NRG3: variants seen among roughly 807,000 people sequenced by gnomAD.
The protein encoded by NRG3 is neuregulin 3.
In NRG3, 31 loss-of-function variants were observed where a neutral mutation model predicts 66.9. That is an observed-to-expected ratio of 0.46 (90% CI 0.35 to 0.63). The LOEUF is 0.63. NRG3 is among the 20% of genes least tolerant of loss of function. The pLI, the probability that NRG3 is intolerant of heterozygous loss-of-function variation, is 0.00. For missense variants in NRG3, 910 were observed against 878.9 expected, an observed-to-expected ratio of 1.04 and a Z score of -0.45; for synonymous variants, 393 against 359.4, an observed-to-expected ratio of 1.09 and a Z score of -1.06.
intron 1 of NRG3, among the ~76,000 whole-genome samples, chr10:82,001,436 G>A (rs2061162904): frequency 6.6e-6 from 1 of 152,068 alleles, no homozygotes; most frequent in Non-Finnish European, 1.5e-5. Context: ...TCAGGAGGCA[G>A]AGGCTGCAGT....
At chr10:82,379,542 G>T (rs970100513) in intron 2 of NRG3, among the ~76,000 whole-genome samples, 3 of 152,076 alleles carry the variant, frequency 2.0e-5, no homozygotes, top group African/African-American at 7.2e-5. Context: ...CTATTATGAG[G>T]ATTAAATGAA....
intron 1 of NRG3, among the ~76,000 whole-genome samples, chr10:82,088,836 A>C (rs1341396914): frequency 6.6e-6 from 1 of 152,074 alleles, no homozygotes; most frequent in African/African-American, 2.4e-5. Context: ...CATAAACAAA[A>C]TTTACGTTTT....
intron 1 of NRG3, among the ~76,000 whole-genome samples, chr10:82,031,523 T>A (rs952451242): frequency 2.6e-5 from 4 of 152,154 alleles, no homozygotes; most frequent in African/African-American, 9.7e-5. Context: ...ACATGGTTTA[T>A]AAGTAAGCAA....
chr10:82,045,960 G>C (rs1247536878), intron 1 of NRG3, among the ~76,000 whole-genome samples: 1 of 151,244 alleles, frequency 6.6e-6, no homozygotes, highest in African/African-American at 2.4e-5. Context: ...ATGCTGTTTT[G>C]GTTACTGTAG....
chr10:82,181,900 C>A (rs985516149), intron 1 of NRG3, among the ~76,000 whole-genome samples: 1 of 151,742 alleles, frequency 6.6e-6, no homozygotes, highest in Admixed American at 6.6e-5. Flanking sequence ...CCCTTCAGTT[C>A]TGTCAATGTT....
intron 3 of NRG3, among the ~76,000 whole-genome samples, chr10:82,806,817 G>C (rs1054751669): frequency 3.3e-5 from 5 of 152,146 alleles, no homozygotes; most frequent in Admixed American, 2.6e-4. Context: ...CTGCAGTTTG[G>C]ATCATAAGGT....
In NRG3 at chr10:82,966,790, C is replaced by T. The variant is rs1054486579; in HGVS notation, c.1285-6998C>T. Among the ~76,000 whole-genome samples the T allele has an allele frequency of 9.9e-5, 15 of 152,192 alleles. No homozygotes were observed. The East Asian group carries it at 2.9e-3, about 29-fold the overall frequency. ...ATAAACTCATGGATACTATTTTATA[C>T]TTTGATTTGTAATCTAAGTAGTAAA... On this transcript the variant is annotated intron_variant, in intron 6 of 8. Coordinates refer to ENST00000372141, the MANE Select transcript of NRG3 (RefSeq NM_001010848.4).
At chr10:81,982,602 T>C (rs1021184815) in intron 1 of NRG3, among the ~76,000 whole-genome samples, 4 of 152,246 alleles carry the variant, frequency 2.6e-5, no homozygotes, top group East Asian at 1.9e-4. Context: ...TCAGCAAGCC[T>C]GAGCCTCTCT....
intron 2 of NRG3, among the ~76,000 whole-genome samples, chr10:82,735,238 C>G (rs975261345): frequency 6.6e-6 from 1 of 152,072 alleles, no homozygotes; most frequent in Non-Finnish European, 1.5e-5. Flanking sequence ...TTTTTTTACA[C>G]AATGTTTATC....
At chr10:82,298,995 G>T (rs1472745883) in intron 1 of NRG3, among the ~76,000 whole-genome samples, 1 of 152,156 alleles carries the variant, frequency 6.6e-6, no homozygotes, top group Non-Finnish European at 1.5e-5. Flanking sequence ...ATAGATTGGA[G>T]TGTTCAGAGA....
At chr10:82,754,255 T>C (rs932347033) in intron 3 of NRG3, among the ~76,000 whole-genome samples, 3 of 151,524 alleles carry the variant, frequency 2.0e-5, no homozygotes, top group African/African-American at 7.3e-5. Context: ...TATGGATCCA[T>C]ATATTTGTAC....
At chr10:82,229,886 G>C (rs570394637) in intron 1 of NRG3, among the ~76,000 whole-genome samples, 13 of 152,110 alleles carry the variant, frequency 8.5e-5, no homozygotes, top group African/African-American at 2.9e-4. Context: ...AAGGAGAATA[G>C]AAACGGAAAA....
chr10:82,176,084 A>G (rs2073011872), intron 1 of NRG3, among the ~76,000 whole-genome samples: 1 of 152,190 alleles, frequency 6.6e-6, no homozygotes, highest in East Asian at 1.9e-4. Context: ...TGGAATAAAC[A>G]ACAGGAGCAA....
chr10:82,608,113 A>C (rs192037267), intron 2 of NRG3, among the ~76,000 whole-genome samples: 128 of 152,334 alleles, frequency 8.4e-4, no homozygotes, highest in African/African-American at 2.9e-3. Context: ...TATTAATAGC[A>C]AAAAATTTCT....
At chr10:82,596,355 GATA>G (rs1565109177) in intron 2 of NRG3, among the ~76,000 whole-genome samples, 2 of 152,238 alleles carry the variant, frequency 1.3e-5, no homozygotes, top group African/African-American at 4.8e-5. Flanking sequence ...ATTCGTTGCA[GATA>G]ATAATGAGAA....
intron 1 of NRG3, among the ~76,000 whole-genome samples, chr10:82,070,897 C>T (rs1412959350): frequency 1.3e-5 from 2 of 152,130 alleles, no homozygotes; most frequent in East Asian, 3.9e-4. Context: ...TGTCACAAGT[C>T]AGTATAATGT....
At chr10:82,271,670 A>T (rs1178898055) in intron 1 of NRG3, among the ~76,000 whole-genome samples, 3 of 152,090 alleles carry the variant, frequency 2.0e-5, no homozygotes, top group African/African-American at 7.2e-5. Flanking sequence ...GTTTTCCTGC[A>T]CCAACTAGCA....
intron 1 of NRG3, among the ~76,000 whole-genome samples, chr10:81,961,777 T>C (rs1850387118): frequency 6.6e-6 from 1 of 152,264 alleles, no homozygotes; most frequent in African/African-American, 2.4e-5. Flanking sequence ...TAATGTTAAC[T>C]GATAACTTTT....
chr10:82,630,090 C>A (rs993928705), intron 2 of NRG3, among the ~76,000 whole-genome samples: 3 of 152,082 alleles, frequency 2.0e-5, no homozygotes, highest in Non-Finnish European at 4.4e-5. Context: ...ATCGCAGTTT[C>A]CAGCCAGGGA....
Sources: gnomAD v4.1 joint callset for allele counts (sites outside exome capture counted in the v4.1 genomes callset) on GRCh38, gnomAD v4.1.1 for gene constraint, MANE v1.5 for transcripts, NCBI Gene and HGNC (gene_info 2026-07-23, HGNC 2026-07-21) for gene names.